The following SRGAP2B variants were observed in gnomAD, a reference collection of about 807,000 sequenced individuals.
SRGAP2B encodes the protein SLIT-ROBO Rho GTPase-activating protein 2B.
In SRGAP2B, 9 loss-of-function variants were observed where a neutral mutation model predicts 22.2. That is an observed-to-expected ratio of 0.41 (90% CI 0.24 to 0.71). The LOEUF is 0.71. Ranked by LOEUF, SRGAP2B falls within the 30% of genes least tolerant of loss-of-function variation. The pLI is 0.35. For missense variants in SRGAP2B, 114 were observed against 235.8 expected (o/e 0.48, Z 3.38); for synonymous variants, 36 against 87.4 (o/e 0.41, Z 3.28).
chr1:144,990,898 C>T (rs1670147554), intron 3 of SRGAP2B, among the ~76,000 whole-genome samples: 1 of 151,248 alleles, frequency 6.6e-6, no homozygotes, highest in Non-Finnish European at 1.5e-5. Context: ...GGGCAGGGCT[C>T]GGGACCTGCA....
chr1:144,933,455 C>A (rs1325762708), intron 4 of SRGAP2B, among the ~76,000 whole-genome samples: 1 of 144,004 alleles, frequency 6.9e-6, no homozygotes, highest in Admixed American at 6.9e-5. Context: ...GCTCAACTCC[C>A]TATCCTTAAC....
intron 3 of SRGAP2B, among the ~76,000 whole-genome samples, chr1:144,992,612 A>C (rs4844762): frequency 7.5e-6 from 1 of 133,956 alleles, no homozygotes; most frequent in Admixed American, 7.6e-5. Context: ...GGAAAAAAAC[A>C]TCTGGAGGAA....
chr1:144,971,420 C>T lies in SRGAP2B; in HGVS notation c.261-15819G>A, dbSNP rs1254612875. Among the ~76,000 whole-genome samples, 2 of 150,224 alleles carry T rather than the reference C, an allele frequency of 1.3e-5. 1 individual carries two copies. Among genetic ancestry groups the T allele is most frequent in the African/African-American group, 5.0e-5 (2 of 39,982 alleles). The stretch of plus-strand genomic sequence containing the variant: ...TGCTGGGATTACAGGTGTGAACCAC[C>T]GCACCCGGCCCATACTTTTTTTTTG... On this transcript the variant is annotated intron_variant, in intron 3 of 9. Transcript: ENST00000612199.
intron 3 of SRGAP2B, among the ~76,000 whole-genome samples, chr1:144,993,820 C>T (rs1217345683): frequency 5.4e-5 from 8 of 146,836 alleles, no homozygotes; most frequent in Admixed American, 1.3e-4. Context: ...AGATTAACTC[C>T]GATCACAATG....
intron 2 of SRGAP2B, among the ~76,000 whole-genome samples, chr1:144,999,181 G>A (rs1670940112): frequency 6.6e-6 from 1 of 150,958 alleles, no homozygotes; most frequent in Admixed American, 6.6e-5. Context: ...GTTTACAGTT[G>A]GATGAGAATA....
intron 3 of SRGAP2B, among the ~76,000 whole-genome samples, chr1:144,966,294 C>T (rs1183830842): frequency 2.0e-5 from 3 of 149,750 alleles, no homozygotes; most frequent in East Asian, 3.9e-4. Flanking sequence ...GCAAATCTCT[C>T]GGCAGAAACC....
intron 2 of SRGAP2B, among the ~76,000 whole-genome samples, chr1:145,039,508 T>C (rs1448030681): frequency 7.0e-6 from 1 of 143,752 alleles, no homozygotes; most frequent in African/African-American, 2.6e-5. Context: ...AATGCAAATA[T>C]GAATCACCTA....
At chr1:145,058,000 C>A (rs1553630712) in intron 2 of SRGAP2B, among the ~76,000 whole-genome samples, 1 of 139,298 alleles carries the variant, frequency 7.2e-6, no homozygotes. Context: ...CAGCGCCAAC[C>A]CAAACCCATT....
rs1662479240 is a variant in SRGAP2B at position 144,898,944 on chromosome 1, GC to G, written c.832-1608del. 1.5e-4 allele frequency among the ~76,000 whole-genome samples: 22 copies of G among 146,440 alleles called. No individual in the cohort carries two copies. The South Asian group carries it at 4.9e-3, about 33-fold the overall frequency. On this transcript the variant is annotated intron_variant, in intron 7 of 9. Transcript: ENST00000612199. Reference sequence around the variant, plus strand: ...TCATTAGGACGCTGCACGGGCATGGGCTCTCTGGGAGATGCTGCTGGTCTCA... The same window carrying G: ...TCATTAGGACGCTGCACGGGCATGGGTCTCTGGGAGATGCTGCTGGTCTCA...
chr1:144,914,232 G>T (rs1553603399), intron 5 of SRGAP2B, among the ~76,000 whole-genome samples: 1 of 151,720 alleles, frequency 6.6e-6, no homozygotes, highest in Non-Finnish European at 1.5e-5. Flanking sequence ...TTAGGACTCT[G>T]TGCTGCCCTC....
chr1:145,010,615 A>T (rs587596069), intron 2 of SRGAP2B, among the ~76,000 whole-genome samples: 20 of 149,278 alleles, frequency 1.3e-4, no homozygotes, highest in Non-Finnish European at 2.4e-4. Flanking sequence ...TGTTAAATTC[A>T]AGTAAAAAGA....
chr1:144,960,170 AT>A (rs1399752636), intron 3 of SRGAP2B, among the ~76,000 whole-genome samples: 1 of 114,042 alleles, frequency 8.8e-6, no homozygotes, highest in East Asian at 2.5e-4. Context: ...CTTAGGTTGT[AT>A]AATACTTGGG....
chr1:144,953,229 C>T (rs1176437537), intron 4 of SRGAP2B, among the ~76,000 whole-genome samples: 5 of 149,336 alleles, frequency 3.3e-5, no homozygotes, highest in African/African-American at 1.2e-4. Flanking sequence ...TGCAATTCTA[C>T]TTATATAAAG....
chr1:144,975,379 G>C (rs1668820252), intron 3 of SRGAP2B, among the ~76,000 whole-genome samples: 1 of 149,806 alleles, frequency 6.7e-6, no homozygotes, highest in African/African-American at 2.5e-5. Flanking sequence ...GTGGTATTGA[G>C]AGGCTGGACC....
chr1:145,022,904 C>T (rs1647303567), intron 2 of SRGAP2B, among the ~76,000 whole-genome samples: 1 of 149,232 alleles, frequency 6.7e-6, no homozygotes, highest in African/African-American at 2.5e-5. Context: ...TGGTGGCTCA[C>T]ACTTGTAATC....
intron 2 of SRGAP2B, 27 bp from the exon 3 acceptor site, chr1:144,995,227 C>A (rs1458671275): frequency 1.1e-5 from 7 of 634,304 alleles, no homozygotes; most frequent in South Asian, 2.2e-5. Flanking sequence ...AGAAGACAGT[C>A]AGAAAGACAG....
rs1165285988 is a variant in SRGAP2B at position 144,992,495 on chromosome 1, A to G, written c.260+2513T>C. On this transcript the variant is annotated intron_variant, in intron 3 of 9. Coordinates refer to ENST00000612199, the Ensembl canonical transcript of SRGAP2B. ...TTTGAATCATTTTCTAAAGCAAATG[A>G]TTCCTCCCCTAAGTCTTCATTTATC... 9.5e-5 allele frequency among the ~76,000 whole-genome samples: 14 copies of G among 147,700 alleles called. 1 individual carries two copies. In the East Asian group the frequency reaches 2.4e-3, roughly 25 times the overall value.
At chr1:145,002,249 C>T (rs1169501216) in intron 2 of SRGAP2B, among the ~76,000 whole-genome samples, 16 of 61,556 alleles carry the variant, frequency 2.6e-4, no homozygotes, top group African/African-American at 1.3e-3. Context: ...CTGCCACTGC[C>T]ATCTTGCTAC....
intron 3 of SRGAP2B, among the ~76,000 whole-genome samples, chr1:144,957,285 C>A (rs1488535821): frequency 1.3e-5 from 2 of 150,148 alleles, no homozygotes; most frequent in African/African-American, 5.0e-5. Flanking sequence ...TGAAGTTCAA[C>A]TTAGAAGGCT....
Sources: allele counts gnomAD v4.1 joint callset (sites outside exome capture counted in the v4.1 genomes callset), GRCh38; gene constraint gnomAD v4.1.1; transcripts MANE v1.5; gene names NCBI Gene and HGNC (gene_info 2026-07-23, HGNC 2026-07-21).